Variants in DGKI observed in about 807,000 individuals in gnomAD.
The protein encoded by DGKI is DAG kinase iota.
In DGKI, 55 loss-of-function variants were observed where a neutral mutation model predicts 147.5. The observed-to-expected ratio is 0.37, with a 90% CI of 0.30 to 0.47. The LOEUF is 0.47. Ranked by LOEUF, DGKI falls within the 20% of genes least tolerant of loss-of-function variation. The pLI is 1.00. For missense variants in DGKI, 1,007 were observed against 1,323.8 expected (o/e 0.76, Z 3.71); for synonymous variants, 469 against 477.1 (o/e 0.98, Z 0.22).
chr7:137,629,354 T>C (rs1434040634), intron 6 of DGKI, among the ~76,000 whole-genome samples: 1 of 152,206 alleles, frequency 6.6e-6, no homozygotes, highest in Non-Finnish European at 1.5e-5. Context: ...TTGGACCACA[T>C]ATAAAGGTAT....
intron 1 of DGKI, among the ~76,000 whole-genome samples, chr7:137,757,093 T>G (rs114152466): frequency 2.6e-5 from 4 of 152,142 alleles, no homozygotes; most frequent in Non-Finnish European, 5.9e-5. Flanking sequence ...AATAAAGGCA[T>G]GAAAGCCGCC....
chr7:137,760,927 T>A (rs1795840139), intron 1 of DGKI, among the ~76,000 whole-genome samples: 1 of 152,176 alleles, frequency 6.6e-6, no homozygotes. Context: ...CTGCACTCTG[T>A]TCTCCCATGC....
rs1811097657 is a variant in DGKI, at chr7:137,383,147, C to T, written c.*8073G>A. 1 of 151,878 alleles carries T rather than the reference C, an allele frequency of 6.6e-6. No homozygotes were observed. The highest frequency in any genetic ancestry group is 2.4e-5 in the African/African-American group (1 of 41,410). The allele number at this position is 151,878 out of a possible 1,614,324, so 9.4% of individuals were successfully genotyped here. The stretch of plus-strand genomic sequence containing the variant: ...ACTAAATCCTTTGTTTTCACTTTGA[C>T]TCCTGAATCTGTGACCTTTTTGCTT... On this transcript the variant is annotated 3_prime_UTR_variant, in exon 33 of 33. Coordinates refer to ENST00000614521, the MANE Select transcript of DGKI (RefSeq NM_001321708.2).
chr7:137,748,144 T>C (rs2116742516), intron 1 of DGKI, among the ~76,000 whole-genome samples: 1 of 152,266 alleles, frequency 6.6e-6, no homozygotes, highest in African/African-American at 2.4e-5. Context: ...ACATTGGCTC[T>C]CTGTACCTAA....
At chr7:137,485,520 C>A in intron 22 of DGKI, 102 bp from the exon 23 acceptor site, 1 of 874,490 alleles carries the variant, frequency 1.1e-6, no homozygotes. Flanking sequence ...TATTACTATG[C>A]TCATCTGGAA....
chr7:137,465,358 A>G (rs1235390162), intron 26 of DGKI, among the ~76,000 whole-genome samples: 1 of 152,210 alleles, frequency 6.6e-6, no homozygotes, highest in African/African-American at 2.4e-5. Context: ...TTTAATCGCC[A>G]AACAATTCTC....
rs373775282 is a variant in DGKI, at chr7:137,521,892, T to C, written c.2222A>G (p.Tyr741Cys). The C allele has an allele frequency of 1.3e-5, 21 of 1,611,918 alleles. No individual in the cohort carries two copies. The highest frequency in any genetic ancestry group is 1.7e-5 in the Non-Finnish European group (20 of 1,178,676). Residue 741 changes from tyrosine (Y) to cysteine (C), a missense_variant, in exon 21 of 33, where the codon TAT (tyrosine) becomes TGT (cysteine). Tyr to Cys is a radical substitution (Grantham distance 194, BLOSUM62 -2). Around this residue, in one of 5 missense-constraint regions of DGKI, gnomAD observed 385 missense variants for 445.2 expected, o/e 0.86. Transcript: ENST00000614521. The stretch of plus-strand genomic sequence containing the variant: ...AGCTTCTCGGAGTTTCTCCTTGTCA[T>C]AGTGGAATCCTTCATAGTCTTGTAA... ...ISLQDYEGFH[Y>C]DKEKLREASI... is the part of the protein sequence containing the mutation.
intron 1 of DGKI, among the ~76,000 whole-genome samples, chr7:137,769,550 T>C (rs1345400523): frequency 6.6e-6 from 1 of 152,126 alleles, no homozygotes; most frequent in Non-Finnish European, 1.5e-5. Context: ...AACCTATGAA[T>C]GGGAGAAAAT....
At chr7:137,510,942 C>T (rs777031787) in intron 21 of DGKI, among the ~76,000 whole-genome samples, 9 of 152,228 alleles carry the variant, frequency 5.9e-5, no homozygotes, top group Non-Finnish European at 1.3e-4. Context: ...CTGGGGACAT[C>T]TCTAATTCTG....
intron 1 of DGKI, among the ~76,000 whole-genome samples, chr7:137,801,527 A>G (rs541590465): frequency 5.3e-5 from 8 of 152,356 alleles, no homozygotes; most frequent in East Asian, 1.9e-4. Flanking sequence ...AAAATTAAAC[A>G]TCAGGTTTCA....
chr7:137,440,723 C>G (rs1374112860), intron 28 of DGKI, among the ~76,000 whole-genome samples: 1 of 152,220 alleles, frequency 6.6e-6, no homozygotes, highest in Non-Finnish European at 1.5e-5. Context: ...GCAGTTGGAG[C>G]ATGCGAGCAC....
intron 28 of DGKI, among the ~76,000 whole-genome samples, chr7:137,436,153 T>G (rs1813273565): frequency 6.6e-6 from 1 of 152,180 alleles, no homozygotes; most frequent in Non-Finnish European, 1.5e-5. Flanking sequence ...GATATCTCTT[T>G]AAGGGAATAG....
intron 1 of DGKI, among the ~76,000 whole-genome samples, chr7:137,726,078 T>C (rs140934247): frequency 1.6e-3 from 245 of 152,320 alleles, no homozygotes; most frequent in African/African-American, 5.7e-3. Context: ...CTGCCTGCTC[T>C]ATATCTCACC....
intron 3 of DGKI, among the ~76,000 whole-genome samples, chr7:137,677,830 T>C (rs1479484180): frequency 6.6e-6 from 1 of 152,222 alleles, no homozygotes; most frequent in African/African-American, 2.4e-5. Flanking sequence ...TTCCCATTAC[T>C]GTCTGTTTGG....
chr7:137,511,612 T>G (rs2128947870), intron 21 of DGKI, among the ~76,000 whole-genome samples: 1 of 152,326 alleles, frequency 6.6e-6, no homozygotes, highest in Middle Eastern at 3.4e-3. Context: ...ATAGTAGGTG[T>G]TCAATAGATC....
At chr7:137,759,319 T>C (rs1795783978) in intron 1 of DGKI, among the ~76,000 whole-genome samples, 1 of 152,014 alleles carries the variant, frequency 6.6e-6, no homozygotes, top group South Asian at 2.1e-4. Context: ...TTATTTTCTA[T>C]GGCTGCTCTA....
chr7:137,491,539 C>T (rs6467705), intron 21 of DGKI, among the ~76,000 whole-genome samples: 24,807 of 152,120 alleles, frequency 0.16, 3,018 homozygotes, highest in African/African-American at 0.35. Context: ...TAATGTTAAT[C>T]CCCAAAACTG....
intron 1 of DGKI, among the ~76,000 whole-genome samples, chr7:137,792,831 A>G (rs1796897376): frequency 6.6e-6 from 1 of 152,148 alleles, no homozygotes; most frequent in Non-Finnish European, 1.5e-5. Flanking sequence ...CCATGAGTAA[A>G]AGCTCCCTGA....
At chr7:137,714,568 G>A (rs989201585) in intron 1 of DGKI, among the ~76,000 whole-genome samples, 1 of 152,184 alleles carries the variant, frequency 6.6e-6, no homozygotes, top group African/African-American at 2.4e-5. Context: ...TCCCATGGTA[G>A]ATCTTGGTTT....
Sources: gnomAD v4.1 joint callset for allele counts (sites outside exome capture counted in the v4.1 genomes callset) on GRCh38, gnomAD v4.1.1 for gene constraint, gnomAD v4.1.1 regional missense constraint, MANE v1.5 for transcripts, NCBI Gene and HGNC (gene_info 2026-07-23, HGNC 2026-07-21) for gene names.